The following GNB1 variants were observed in gnomAD, a reference collection of about 807,000 sequenced individuals.
The protein encoded by GNB1 is guanine nucleotide-binding protein G(I)/G(S)/G(T) subunit beta-1.
GNB1 carries 2 observed loss-of-function variants against 42.9 expected under a neutral mutation model. The ratio of observed to expected loss-of-function variants is 0.05; its 90% CI spans 0.02 to 0.15. The LOEUF (loss-of-function observed/expected upper bound fraction) is 0.15. GNB1 is among the 10% of genes least tolerant of loss of function. The probability of loss-of-function intolerance (pLI) is 1.00; values close to 1 mark genes in which losing one functional copy is unlikely to be tolerated. For synonymous variants in GNB1, 183 were observed against 174.7 expected (o/e 1.05, Z -0.38); for missense variants, 193 against 462.2 (o/e 0.42, Z 5.34).
chr1:1,845,181 A>G (rs562928397), intron 1 of GNB1, among the ~76,000 whole-genome samples: 2 of 152,378 alleles, frequency 1.3e-5, no homozygotes, highest in Admixed American at 6.5e-5. Flanking sequence ...GTCTAAAGAC[A>G]TCACGTTAAT....
intron 1 of GNB1, among the ~76,000 whole-genome samples, chr1:1,842,989 T>G (rs1379524594): frequency 6.6e-6 from 1 of 152,218 alleles, no homozygotes; most frequent in African/African-American, 2.4e-5. Context: ...CAGGGGTGTG[T>G]GTGTGTCCCC....
chr1:1,845,300 G>A (rs1002849663), intron 1 of GNB1, among the ~76,000 whole-genome samples: 2 of 152,226 alleles, frequency 1.3e-5, no homozygotes, highest in Non-Finnish European at 2.9e-5. Flanking sequence ...TAGGCCGGGT[G>A]CGGTGGCTCA....
chr1:1,881,102 T>C (rs1649822017), intron 1 of GNB1, among the ~76,000 whole-genome samples: 1 of 152,068 alleles, frequency 6.6e-6, no homozygotes, highest in African/African-American at 2.4e-5. Flanking sequence ...ATGCAAAACA[T>C]GAGAAAGCCT....
At chr1:1,829,553 C>T (rs553970075) in intron 2 of GNB1, among the ~76,000 whole-genome samples, 1 of 152,094 alleles carries the variant, frequency 6.6e-6, no homozygotes, top group Non-Finnish European at 1.5e-5. Context: ...GCAAGGGAAC[C>T]AGGTGCCAGG....
At chr1:1,886,292 TG>T in intron 1 of GNB1, among the ~76,000 whole-genome samples, 1 of 152,312 alleles carries the variant, frequency 6.6e-6, no homozygotes, top group South Asian at 2.1e-4. Flanking sequence ...CACTCCAGAC[TG>T]GGTGGCTGAG....
chr1:1,840,644 G>C (rs1180697749), intron 1 of GNB1, among the ~76,000 whole-genome samples: 1 of 152,344 alleles, frequency 6.6e-6, no homozygotes, highest in African/African-American at 2.4e-5. Context: ...CATTTCATCT[G>C]AATCTCAAGG....
intron 1 of GNB1, among the ~76,000 whole-genome samples, chr1:1,879,507 G>A (rs1649723850): frequency 6.6e-6 from 1 of 151,986 alleles, no homozygotes; most frequent in Non-Finnish European, 1.5e-5. Context: ...GCGATCGAGA[G>A]CATCCTGCCT....
intron 1 of GNB1, among the ~76,000 whole-genome samples, chr1:1,866,955 A>G (rs778300560): frequency 3.3e-5 from 5 of 150,756 alleles, no homozygotes; most frequent in Non-Finnish European, 7.4e-5. Flanking sequence ...CTCCATCTCA[A>G]AACAAACAAA....
At chr1:1,835,105 G>C (rs535881865) in intron 2 of GNB1, among the ~76,000 whole-genome samples, 134 of 152,286 alleles carry the variant, frequency 8.8e-4, no homozygotes, top group African/African-American at 2.9e-3. Context: ...TGAATACTAT[G>C]TGCTTTCCCA....
intron 7 of GNB1, among the ~76,000 whole-genome samples, chr1:1,803,825 T>A (rs1361112147): frequency 6.6e-6 from 1 of 151,390 alleles, no homozygotes; most frequent in African/African-American, 2.4e-5. Flanking sequence ...CTACTAAAAA[T>A]ACAAAAATTA....
At chr1:1,806,582 CAG>C (rs1355197666) in intron 5 of GNB1, 44 bp from the exon 6 acceptor site, 1 of 1,326,320 alleles carries the variant, frequency 7.5e-7, no homozygotes, top group Admixed American at 1.7e-5. Context: ...CCGCACAACA[CAG>C]AAAGTGTACA....
intron 1 of GNB1, among the ~76,000 whole-genome samples, chr1:1,869,612 GCCT>G (rs754012440): frequency 4.6e-5 from 7 of 152,148 alleles, no homozygotes; most frequent in Non-Finnish European, 8.8e-5. Context: ...CAGTAGAGGA[GCCT>G]ATTTGTCTTA....
intron 1 of GNB1, among the ~76,000 whole-genome samples, chr1:1,843,595 A>G (rs1405658773): frequency 6.6e-6 from 1 of 152,128 alleles, no homozygotes; most frequent in East Asian, 1.9e-4. Context: ...AGGATGCTAA[A>G]AGTGCTATCA....
At chr1:1,832,390 ACTAAGACAGGCTCTG>A (rs1647089116) in intron 2 of GNB1, 1 of 152,110 alleles carries the variant, frequency 6.6e-6, no homozygotes, top group Non-Finnish European at 1.5e-5. Context: ...CGTCTAATCC[ACTAAGACAGGCTCTG>A]CTAAGGCCTC....
intron 7 of GNB1, among the ~76,000 whole-genome samples, chr1:1,803,332 TTTCGCCCA>T (rs1401848892): frequency 6.6e-5 from 10 of 152,212 alleles, no homozygotes; most frequent in Non-Finnish European, 1.5e-4. Context: ...AGGGTCTCGC[TTTCGCCCA>T]GCCTGGAGTG....
intron 5 of GNB1, among the ~76,000 whole-genome samples, chr1:1,814,534 C>T (rs911655212): frequency 6.6e-6 from 1 of 152,070 alleles, no homozygotes; most frequent in African/African-American, 2.4e-5. Flanking sequence ...GGTGGTGGCT[C>T]ACACCTATAA....
intron 1 of GNB1, among the ~76,000 whole-genome samples, chr1:1,890,142 A>T (rs937886156): frequency 6.6e-6 from 1 of 152,042 alleles, no homozygotes; most frequent in African/African-American, 2.4e-5. Context: ...AGCGCCGGAC[A>T]GACCCGGGCC....
intron 1 of GNB1, among the ~76,000 whole-genome samples, chr1:1,868,423 G>T (rs975502177): frequency 6.6e-6 from 1 of 152,116 alleles, no homozygotes; most frequent in Non-Finnish European, 1.5e-5. Flanking sequence ...ACCTGCCTCA[G>T]CCTCCCAAAG....
intron 3 of GNB1, among the ~76,000 whole-genome samples, chr1:1,818,986 T>C (rs996029906): frequency 6.6e-6 from 1 of 152,202 alleles, no homozygotes; most frequent in Non-Finnish European, 1.5e-5. Flanking sequence ...TCTTGGCTGT[T>C]CTCGTTGCTC....
Sources: gnomAD v4.1 joint callset for allele counts (sites outside exome capture counted in the v4.1 genomes callset) on GRCh38, gnomAD v4.1.1 for gene constraint, MANE v1.5 for transcripts, NCBI Gene and HGNC (gene_info 2026-07-23, HGNC 2026-07-21) for gene names.